AKAP6: variants seen among roughly 807,000 people sequenced by gnomAD.
AKAP6 encodes the protein A-kinase anchoring protein 6.
Under a neutral mutation model 188.5 loss-of-function variants are expected in AKAP6, and 58 were observed. The ratio of observed to expected loss-of-function variants is 0.31; its 90% CI spans 0.25 to 0.38. The LOEUF (loss-of-function observed/expected upper bound fraction) is 0.38, where lower values mean the gene tolerates loss of function less well. Among genes scored for constraint, AKAP6 ranks in the 10% least tolerant of loss-of-function variants. AKAP6 has a pLI of 1.00. For synonymous variants in AKAP6, 989 were observed against 998.6 expected (o/e 0.99, Z 0.18); for missense variants, 2,710 against 2,740.0 (o/e 0.99, Z 0.24).
intron 8 of AKAP6, among the ~76,000 whole-genome samples, chr14:32,689,700 G>A (rs968369937): frequency 2.6e-5 from 4 of 152,032 alleles, no homozygotes; most frequent in Non-Finnish European, 1.5e-5. Context: ...GATATAACAG[G>A]CACCACTATT....
chr14:32,451,641 TAAACA>T (rs1284366980), intron 2 of AKAP6, among the ~76,000 whole-genome samples: 1 of 152,216 alleles, frequency 6.6e-6, no homozygotes. Flanking sequence ...TGTTGTTGTT[TAAACA>T]AAACATTTAA....
intron 3 of AKAP6, among the ~76,000 whole-genome samples, chr14:32,544,054 A>G (rs1337814743): frequency 6.6e-6 from 1 of 152,204 alleles, no homozygotes; most frequent in Non-Finnish European, 1.5e-5. Flanking sequence ...AAAAACAAAA[A>G]CAAACAAATG....
intron 12 of AKAP6, among the ~76,000 whole-genome samples, chr14:32,776,376 T>C (rs546263622): frequency 1.6e-4 from 25 of 152,352 alleles, no homozygotes; most frequent in Non-Finnish European, 3.2e-4. Context: ...TTTCACTTGG[T>C]TGTCATTCTC....
intron 7 of AKAP6, among the ~76,000 whole-genome samples, chr14:32,644,769 T>C (rs969012339): frequency 4.6e-5 from 7 of 152,114 alleles, no homozygotes; most frequent in African/African-American, 1.7e-4. Flanking sequence ...TCTCTAAATA[T>C]ATAATTTATT....
At chr14:32,577,546 T>C (rs1393747631) in intron 5 of AKAP6, among the ~76,000 whole-genome samples, 1 of 152,138 alleles carries the variant, frequency 6.6e-6, no homozygotes, top group Non-Finnish European at 1.5e-5. Flanking sequence ...AGGTTTTCCC[T>C]TTCTTAAAAA....
At chr14:32,586,431 C>A (rs1342309149) in intron 5 of AKAP6, among the ~76,000 whole-genome samples, 1 of 152,092 alleles carries the variant, frequency 6.6e-6, no homozygotes, top group Non-Finnish European at 1.5e-5. Flanking sequence ...AGTTTGAGAC[C>A]AACCTGGCCA....
intron 1 of AKAP6, among the ~76,000 whole-genome samples, chr14:32,407,864 A>C (rs1428662628): frequency 6.6e-6 from 1 of 152,154 alleles, no homozygotes; most frequent in African/African-American, 2.4e-5. Flanking sequence ...TGGTAGGAGG[A>C]ATGAATCTGG....
chr14:32,558,354 C>CT (rs1346926782), intron 4 of AKAP6, among the ~76,000 whole-genome samples: 2 of 152,196 alleles, frequency 1.3e-5, no homozygotes, highest in African/African-American at 4.8e-5. Flanking sequence ...GGCTCTGTGT[C>CT]TGTTACATAA....
Position 32,695,997 on chromosome 14 carries a change from G to A in AKAP6, c.2887G>A (p.Asp963Asn). Reference protein sequence around the residue: ...VHSVGSNGLLDFDSEYQELWD... With the variant: ...VHSVGSNGLLNFDSEYQELWD... ...TTTGCGCCTTATCTTCAGGCTTCTG[G>A]ACTTTGATTCAGAATATCAGGAGCT... is the stretch of plus-strand genomic sequence containing the variant. The change falls in exon 9 of 14, where the codon GAC (aspartate) becomes AAC (asparagine). Residue 963 changes from aspartate (D) to asparagine (N), a missense_variant. Coordinates refer to ENST00000280979, the MANE Select transcript of AKAP6 (RefSeq NM_004274.5). The A allele has an allele frequency of 6.2e-7, 1 of 1,612,636 alleles. No homozygotes were observed. Among genetic ancestry groups the A allele is most frequent in the Non-Finnish European group, 8.5e-7 (1 of 1,179,558 alleles).
intron 4 of AKAP6, among the ~76,000 whole-genome samples, chr14:32,574,960 C>G (rs539407061): frequency 4.5e-4 from 69 of 152,224 alleles, no homozygotes; most frequent in African/African-American, 1.5e-3. Context: ...TATTTCTGCT[C>G]ACAGATTTAC....
At chr14:32,451,470 T>A (rs1459056797) in intron 2 of AKAP6, among the ~76,000 whole-genome samples, 1 of 152,190 alleles carries the variant, frequency 6.6e-6, no homozygotes, top group Non-Finnish European at 1.5e-5. Context: ...TCTAGGAAAC[T>A]TGCCAAATTA....
At chr14:32,457,633 C>T (rs1000974161) in intron 2 of AKAP6, among the ~76,000 whole-genome samples, 2 of 152,262 alleles carry the variant, frequency 1.3e-5, no homozygotes, top group Middle Eastern at 3.4e-3. Flanking sequence ...GAAATTCCTC[C>T]CTGTGTGCTG....
intron 7 of AKAP6, among the ~76,000 whole-genome samples, chr14:32,668,204 C>G (rs1410513988): frequency 6.6e-6 from 1 of 152,076 alleles, no homozygotes; most frequent in Non-Finnish European, 1.5e-5. Flanking sequence ...GCACTCCCTT[C>G]CCACCCTAGC....
chr14:32,780,155 A>C (rs1224822110), intron 12 of AKAP6, among the ~76,000 whole-genome samples: 2 of 91,444 alleles, frequency 2.2e-5, no homozygotes, highest in Non-Finnish European at 5.0e-5. Context: ...TGAAAAAAAA[A>C]ACATATATAT....
At chr14:32,458,660 G>A (rs1779574904) in intron 2 of AKAP6, among the ~76,000 whole-genome samples, 2 of 151,932 alleles carry the variant, frequency 1.3e-5, no homozygotes, top group Admixed American at 6.6e-5. Flanking sequence ...AGAAATAAAT[G>A]CCCACAAAAT....
rs529367045 is a variant in AKAP6, at chr14:32,599,859, A to G, written c.2566+353A>G. On this transcript the variant is annotated intron_variant, in intron 6 of 13. Coordinates refer to ENST00000280979, the MANE Select transcript of AKAP6 (RefSeq NM_004274.5). The stretch of plus-strand genomic sequence containing the variant: ...AGAACTGTATATATAGTTATAATGC[A>G]TACGCATTAGGGTACTTATAGATAT... Among the ~76,000 whole-genome samples, 19 of 152,332 alleles carry G rather than the reference A, an allele frequency of 1.2e-4. No homozygotes were observed. In the South Asian group the frequency reaches 3.5e-3, roughly 28 times the overall value.
At chr14:32,742,018 T>TG (rs2031702712) in intron 11 of AKAP6, among the ~76,000 whole-genome samples, 2 of 151,198 alleles carry the variant, frequency 1.3e-5, no homozygotes, top group Non-Finnish European at 3.0e-5. Flanking sequence ...TTTTCTTTAC[T>TG]GGGGGATTTT....
chr14:32,812,753 A>G (rs2034268586), intron 12 of AKAP6, among the ~76,000 whole-genome samples: 1 of 152,168 alleles, frequency 6.6e-6, no homozygotes, highest in Non-Finnish European at 1.5e-5. Context: ...GTTGCCACCT[A>G]CCTATAATAC....
chr14:32,549,671 C>T (rs1020145207), intron 4 of AKAP6, among the ~76,000 whole-genome samples: 11 of 152,202 alleles, frequency 7.2e-5, no homozygotes, highest in African/African-American at 2.4e-4. Context: ...TGGCTCTGTA[C>T]TAAGTATTTT....
Sources: allele counts gnomAD v4.1 joint callset (sites outside exome capture counted in the v4.1 genomes callset), GRCh38; gene constraint gnomAD v4.1.1; transcripts MANE v1.5; gene names NCBI Gene and HGNC (gene_info 2026-07-23, HGNC 2026-07-21).